ERC2: variants seen among roughly 807,000 people sequenced by gnomAD.
ERC2 encodes the protein ERC protein 2.
ERC2 carries 42 observed loss-of-function variants against 114.8 expected under a neutral mutation model. The observed-to-expected ratio is 0.37, with a 90% CI of 0.29 to 0.47. The LOEUF (loss-of-function observed/expected upper bound fraction) is 0.47. Ranked by LOEUF, ERC2 falls within the 20% of genes least tolerant of loss-of-function variation. The pLI, the probability that ERC2 is intolerant of heterozygous loss-of-function variation, is 0.99. For synonymous variants in ERC2, 454 were observed against 425.5 expected, an observed-to-expected ratio of 1.07 and a Z score of -0.82; for missense variants, 939 against 1,150.7, an observed-to-expected ratio of 0.82 and a Z score of 2.66.
chr3:56,233,528 C>T (rs2050758377), intron 3 of ERC2, among the ~76,000 whole-genome samples: 1 of 151,784 alleles, frequency 6.6e-6, no homozygotes, highest in African/African-American at 2.4e-5. Flanking sequence ...CCTATAATCC[C>T]AGCTACTCCA....
intron 2 of ERC2, among the ~76,000 whole-genome samples, chr3:56,307,806 T>C (rs1382699848): frequency 6.7e-6 from 1 of 148,402 alleles, no homozygotes; most frequent in African/African-American, 2.5e-5. Context: ...CATATAATCA[T>C]GTATTCACTA....
At chr3:55,651,541 G>A (rs549962803) in intron 17 of ERC2, among the ~76,000 whole-genome samples, 2 of 152,006 alleles carry the variant, frequency 1.3e-5, no homozygotes, top group African/African-American at 2.4e-5. Flanking sequence ...TCTTGAACTG[G>A]GTCTTTCGCT....
chr3:56,009,034 T>G (rs557550584), intron 9 of ERC2, among the ~76,000 whole-genome samples: 237 of 152,314 alleles, frequency 1.6e-3, no homozygotes, highest in Non-Finnish European at 2.5e-3. Context: ...AAGCACATCA[T>G]GCAGAAACAA....
At chr3:56,464,880 A>G (rs1360086502) in intron 1 of ERC2, among the ~76,000 whole-genome samples, 1 of 150,610 alleles carries the variant, frequency 6.6e-6, no homozygotes, top group Admixed American at 6.6e-5. Flanking sequence ...TTAAAAAAAG[A>G]AAAAAGAAAA....
intron 7 of ERC2, among the ~76,000 whole-genome samples, chr3:56,040,402 C>T (rs1286234963): frequency 4.6e-5 from 7 of 150,680 alleles, no homozygotes; most frequent in Admixed American, 3.3e-4. Context: ...TCACCTAGGC[C>T]GGAGTGCAGT....
chr3:56,413,841 C>T (rs885211), intron 2 of ERC2, among the ~76,000 whole-genome samples: 66,515 of 152,044 alleles, frequency 0.44, 15,002 homozygotes, highest in Admixed American at 0.55. Context: ...CAAATAACCA[C>T]CAATCTGTTG....
chr3:55,983,668 A>G (rs532202280), intron 12 of ERC2, among the ~76,000 whole-genome samples: 3 of 152,342 alleles, frequency 2.0e-5, no homozygotes, highest in African/African-American at 7.2e-5. Flanking sequence ...GAGTTACTGC[A>G]GTTTCCAAAC....
At chr3:56,292,918 C>G (rs908610196) in intron 3 of ERC2, among the ~76,000 whole-genome samples, 1 of 152,204 alleles carries the variant, frequency 6.6e-6, no homozygotes, top group Admixed American at 6.5e-5. Flanking sequence ...CCCACATCAC[C>G]AGTGCTTCAC....
intron 17 of ERC2, among the ~76,000 whole-genome samples, chr3:55,641,379 A>G (rs1299893903): frequency 1.3e-5 from 2 of 151,970 alleles, no homozygotes; most frequent in Non-Finnish European, 2.9e-5. Flanking sequence ...GCAAAACCTC[A>G]TCTCTACTAA....
intron 3 of ERC2, among the ~76,000 whole-genome samples, chr3:56,273,346 T>A (rs569260661): frequency 6.7e-6 from 1 of 149,280 alleles, no homozygotes; most frequent in African/African-American, 2.5e-5. Flanking sequence ...CTGGACCTCC[T>A]GGGCTCAAGC....
intron 3 of ERC2, among the ~76,000 whole-genome samples, chr3:56,274,927 C>A (rs2053898117): frequency 6.6e-6 from 1 of 152,176 alleles, no homozygotes; most frequent in Admixed American, 6.5e-5. Flanking sequence ...CTAATGGTCA[C>A]AAAAATAATT....
At chr3:55,728,530 T>C (rs1377070102) in intron 15 of ERC2, among the ~76,000 whole-genome samples, 2 of 152,162 alleles carry the variant, frequency 1.3e-5, no homozygotes, top group Admixed American at 1.3e-4. Flanking sequence ...CAGAGCACAT[T>C]GGTTTGAGTT....
chr3:56,242,655 ACTT>A (rs2051399940), intron 3 of ERC2, among the ~76,000 whole-genome samples: 1 of 152,042 alleles, frequency 6.6e-6, no homozygotes, highest in Non-Finnish European at 1.5e-5. Flanking sequence ...TTTCTTAAAA[ACTT>A]CTTCTTATGT....
At chr3:55,993,955 C>A (rs1383689657) in intron 10 of ERC2, among the ~76,000 whole-genome samples, 1 of 152,014 alleles carries the variant, frequency 6.6e-6, no homozygotes, top group Non-Finnish European at 1.5e-5. Context: ...AAATGTAGAG[C>A]AGAAATTCTA....
intron 2 of ERC2, among the ~76,000 whole-genome samples, chr3:56,402,245 G>A (rs1229608775): frequency 6.6e-6 from 1 of 152,148 alleles, no homozygotes; most frequent in Non-Finnish European, 1.5e-5. Flanking sequence ...TATTTATAAT[G>A]CACTTTTAAT....
At chr3:56,052,694 A>C (rs1446357939) in intron 7 of ERC2, among the ~76,000 whole-genome samples, 1 of 152,226 alleles carries the variant, frequency 6.6e-6, no homozygotes, top group African/African-American at 2.4e-5. Flanking sequence ...TACAAGAGTT[A>C]ATGCAAATGT....
chr3:56,025,064 G>C (rs2073959099), intron 7 of ERC2, among the ~76,000 whole-genome samples: 1 of 152,142 alleles, frequency 6.6e-6, no homozygotes, highest in African/African-American at 2.4e-5. Flanking sequence ...ACCACATATT[G>C]TTCCATGACA....
At chr3:55,613,469 C>T (rs547209677) in intron 17 of ERC2, among the ~76,000 whole-genome samples, 2 of 152,180 alleles carry the variant, frequency 1.3e-5, no homozygotes, top group East Asian at 3.9e-4. Context: ...TAGGAAAATG[C>T]GTGTATACAC....
chr3:55,606,897 G>A (rs560478647), intron 17 of ERC2: 3 of 152,418 alleles, frequency 2.0e-5, no homozygotes, highest in Non-Finnish European at 4.4e-5. Context: ...CTAGGCAAAG[G>A]TTGGACAGGT....
Sources: gnomAD v4.1 joint callset for allele counts (sites outside exome capture counted in the v4.1 genomes callset) on GRCh38, gnomAD v4.1.1 for gene constraint, MANE v1.5 for transcripts, NCBI Gene and HGNC (gene_info 2026-07-23, HGNC 2026-07-21) for gene names.